NRG2: variants seen among roughly 807,000 people sequenced by gnomAD.
NRG2 encodes the protein pro-neuregulin-2, membrane-bound isoform.
NRG2 carries 27 observed loss-of-function variants against 73.9 expected under a neutral mutation model. That is an observed-to-expected ratio of 0.37 (90% confidence interval 0.27 to 0.50). The LOEUF (loss-of-function observed/expected upper bound fraction) is 0.50, where lower values mean the gene tolerates loss of function less well. NRG2 is among the 20% of genes least tolerant of loss of function. NRG2 has a pLI of 0.96. For synonymous variants in NRG2, 532 were observed against 541.0 expected (o/e 0.98, Z 0.23); for missense variants, 1,126 against 1,210.1 (o/e 0.93, Z 1.03).
chr5:139,925,520 A>G (rs1751986840), intron 1 of NRG2, among the ~76,000 whole-genome samples: 1 of 152,250 alleles, frequency 6.6e-6, no homozygotes. Flanking sequence ...CTTGCAGCTA[A>G]GTGGCTGGGT....
At chr5:139,928,626 C>G (rs1180936999) in intron 1 of NRG2, among the ~76,000 whole-genome samples, 2 of 152,162 alleles carry the variant, frequency 1.3e-5, no homozygotes, top group Non-Finnish European at 2.9e-5. Context: ...CTAGAACAAC[C>G]AAATTGTGTC....
At chr5:139,886,263 G>A (rs1447073399) in intron 2 of NRG2, among the ~76,000 whole-genome samples, 2 of 152,182 alleles carry the variant, frequency 1.3e-5, no homozygotes, top group African/African-American at 2.4e-5. Flanking sequence ...CCAGTCCCCT[G>A]ACTCCTTTAA....
At chr5:139,952,705 C>G (rs932413300) in intron 1 of NRG2, among the ~76,000 whole-genome samples, 9 of 152,220 alleles carry the variant, frequency 5.9e-5, no homozygotes, top group African/African-American at 2.2e-4. Context: ...CCTCCTCCCC[C>G]TTGAAGAGTC....
intron 1 of NRG2, among the ~76,000 whole-genome samples, chr5:140,006,443 C>T (rs1033652713): frequency 1.6e-4 from 25 of 152,228 alleles, no homozygotes; most frequent in Admixed American, 1.4e-3. Flanking sequence ...AATTCCACTT[C>T]GAGGAATTAA....
At chr5:140,028,399 A>G (rs1313013564) in intron 1 of NRG2, among the ~76,000 whole-genome samples, 1 of 152,242 alleles carries the variant, frequency 6.6e-6, no homozygotes, top group Non-Finnish European at 1.5e-5. Context: ...TAAAACAGGC[A>G]TCTGTAGTAG....
chr5:139,907,920 C>T lies in NRG2; in HGVS notation c.701-20409G>A, dbSNP rs114592724. 6.5e-3 allele frequency among the ~76,000 whole-genome samples: 984 copies of T among 152,344 alleles called. 7 individuals are homozygous for T. Among genetic ancestry groups the T allele is most frequent in the East Asian group, 0.035 (182 of 5,196 alleles). ...ACACACGGAAAACACTTACGGGACA[C>T]GTACTATCTGCCTCAGCCTAGTGCT... is the stretch of plus-strand genomic sequence containing the variant. On this transcript the variant is annotated intron_variant, in intron 1 of 9. Coordinates refer to ENST00000361474, the MANE Select transcript of NRG2 (RefSeq NM_004883.3).
chr5:139,892,570 T>C (rs1357542214), intron 1 of NRG2, among the ~76,000 whole-genome samples: 1 of 152,082 alleles, frequency 6.6e-6, no homozygotes, highest in East Asian at 1.9e-4. Context: ...AGACACCCTC[T>C]CTGAGCTAGG....
intron 1 of NRG2, among the ~76,000 whole-genome samples, chr5:139,919,571 G>A (rs977718642): frequency 3.3e-5 from 5 of 152,094 alleles, no homozygotes; most frequent in African/African-American, 2.4e-5. Context: ...TGAGCATCTA[G>A]TACATGCAAG....
chr5:139,981,029 G>A (rs1221963574), intron 1 of NRG2, among the ~76,000 whole-genome samples: 1 of 152,176 alleles, frequency 6.6e-6, no homozygotes, highest in Non-Finnish European at 1.5e-5. Context: ...GAAGAGTTGG[G>A]AAAAGCATCA....
intron 3 of NRG2, among the ~76,000 whole-genome samples, chr5:139,877,734 T>G (rs1051251642): frequency 6.6e-6 from 1 of 152,198 alleles, no homozygotes; most frequent in East Asian, 1.9e-4. Context: ...AGCATCAAAC[T>G]CAGAATCCCC....
intron 1 of NRG2, among the ~76,000 whole-genome samples, chr5:139,906,274 G>A (rs1233853064): frequency 2.6e-5 from 4 of 151,992 alleles, no homozygotes; most frequent in Non-Finnish European, 4.4e-5. Context: ...TCAAAGTGTT[G>A]GGATTACAGG....
rs1763973407 is a variant in NRG2 at position 139,887,910 on chromosome 5, A to G, written c.701-399T>C. On this transcript the variant is annotated intron_variant, in intron 1 of 9. Transcript: ENST00000361474. The surrounding 1 kb of genome is among the most constrained non-coding windows in gnomAD (Gnocchi z 4.5). ...GGATTCAAACACAGATCTCCTTGAC[A>G]TCAGTGCTCAGGATCTAAAATCATG... Among the ~76,000 whole-genome samples, 1 of 152,174 alleles carries G rather than the reference A, an allele frequency of 6.6e-6. No individual in the cohort carries two copies. The highest frequency in any genetic ancestry group is 2.4e-5 in the African/African-American group (1 of 41,448).
intron 1 of NRG2, among the ~76,000 whole-genome samples, chr5:139,941,260 G>C (rs180913497): frequency 6.6e-6 from 1 of 152,084 alleles, no homozygotes; most frequent in Non-Finnish European, 1.5e-5. Flanking sequence ...TTTTTTGTGG[G>C]TATTTGCACA....
chr5:139,945,211 T>C (rs890902016), intron 1 of NRG2, among the ~76,000 whole-genome samples: 5 of 152,206 alleles, frequency 3.3e-5, no homozygotes, highest in Admixed American at 6.5e-5. Flanking sequence ...GGTTTTCTTT[T>C]CACTCTATTG....
At chr5:139,932,221 A>AGTGTGTGTGTGT (rs3056594) in intron 1 of NRG2, among the ~76,000 whole-genome samples, 212 of 141,454 alleles carry the variant, frequency 1.5e-3, no homozygotes, top group African/African-American at 5.1e-3. Flanking sequence ...AAGAAAATGT[A>AGTGTGTGTGTGT]GTGTGTGTGT....
rs558742976 is a variant in NRG2 at position 139,862,482 on chromosome 5, G to C, written c.1189+3067C>G. Among the ~76,000 whole-genome samples the C allele has an allele frequency of 5.5e-4, 84 of 152,350 alleles. 3 individuals are homozygous for C. Among genetic ancestry groups the C allele is most frequent in the African/African-American group, 2.0e-3 (83 of 41,576 alleles). On this transcript the variant is annotated intron_variant, in intron 5 of 9. Coordinates refer to ENST00000361474, the MANE Select transcript of NRG2 (RefSeq NM_004883.3). ...AGTGGCACCACTGAGTCACCGGAAG[G>C]TCCTATTAACCAGAAATTTGCATGT...
At chr5:139,909,051 C>A (rs940171327) in intron 1 of NRG2, among the ~76,000 whole-genome samples, 1 of 152,214 alleles carries the variant, frequency 6.6e-6, no homozygotes, top group African/African-American at 2.4e-5. Context: ...GCAGAGTGAG[C>A]AGGGCTTGGG....
chr5:140,005,756 A>T (rs1758846290), intron 1 of NRG2, among the ~76,000 whole-genome samples: 1 of 152,196 alleles, frequency 6.6e-6, no homozygotes, highest in Admixed American at 6.5e-5. Flanking sequence ...TCATGTCAAG[A>T]TGAGAGATTA....
chr5:140,020,083 A>G (rs1486666147), intron 1 of NRG2, among the ~76,000 whole-genome samples: 1 of 152,150 alleles, frequency 6.6e-6, no homozygotes, highest in Admixed American at 6.5e-5. Flanking sequence ...TAAATTTTTC[A>G]TCTGTATACT....
Sources: allele counts gnomAD v4.1 joint callset (sites outside exome capture counted in the v4.1 genomes callset), GRCh38; gene constraint gnomAD v4.1.1; non-coding constraint Gnocchi (gnomAD v3.1); transcripts MANE v1.5; gene names NCBI Gene and HGNC (gene_info 2026-07-23, HGNC 2026-07-21).